CCSER1: variants seen among roughly 807,000 people sequenced by gnomAD.
CCSER1 encodes serine-rich coiled-coil domain-containing protein 1.
In CCSER1, 41 loss-of-function variants were observed where a neutral mutation model predicts 82.0. The observed-to-expected ratio is 0.50, with a 90% CI of 0.39 to 0.65. The LOEUF is 0.65. CCSER1 is among the 30% of genes least tolerant of loss of function. CCSER1 has a pLI of 0.00. For missense variants in CCSER1, 1,119 were observed against 1,064.2 expected (o/e 1.05, Z -0.72); for synonymous variants, 414 against 383.9 (o/e 1.08, Z -0.92).
At chr4:91,218,138 C>A (rs1020036978) in intron 10 of CCSER1, among the ~76,000 whole-genome samples, 1 of 152,338 alleles carries the variant, frequency 6.6e-6, no homozygotes, top group South Asian at 2.1e-4. Context: ...TAAGGCCCAG[C>A]GAGAAATCGA....
chr4:90,673,406 T>G (rs1319808424), intron 6 of CCSER1, among the ~76,000 whole-genome samples: 1 of 151,978 alleles, frequency 6.6e-6, no homozygotes, highest in Non-Finnish European at 1.5e-5. Flanking sequence ...CTGTATAAAC[T>G]TTGTGTACTC....
chr4:91,420,092 A>G lies in CCSER1; in HGVS notation c.2218-178480A>G, dbSNP rs527760813. Among the ~76,000 whole-genome samples, 8 of 152,218 alleles carry G rather than the reference A, an allele frequency of 5.3e-5. No individual in the cohort carries two copies. The East Asian group carries it at 1.4e-3, about 26-fold the overall frequency. On this transcript the variant is annotated intron_variant, in intron 10 of 10. Transcript: ENST00000509176. ...TTAAATGAAAGATCTGAAACTCTAA[A>G]AGTCCTAGAAGAAAACATAGGGTAA...
At chr4:90,715,076 T>C (rs994281995) in intron 6 of CCSER1, among the ~76,000 whole-genome samples, 2 of 151,974 alleles carry the variant, frequency 1.3e-5, no homozygotes, top group African/African-American at 4.8e-5. Context: ...TTCCTACCTT[T>C]ATATGAAACA....
At chr4:90,817,120 T>C (rs1759127037) in intron 8 of CCSER1, among the ~76,000 whole-genome samples, 1 of 152,290 alleles carries the variant, frequency 6.6e-6, no homozygotes, top group African/African-American at 2.4e-5. Context: ...AAAACATTTC[T>C]TTATTTAAAT....
chr4:91,182,446 A>T (rs1184239951), intron 10 of CCSER1, among the ~76,000 whole-genome samples: 2 of 152,156 alleles, frequency 1.3e-5, no homozygotes, highest in Non-Finnish European at 2.9e-5. Context: ...AGGCTCAAAA[A>T]ATTTAAAGTT....
intron 8 of CCSER1, among the ~76,000 whole-genome samples, chr4:90,859,682 A>C (rs2149978017): frequency 6.6e-6 from 1 of 151,900 alleles, no homozygotes; most frequent in East Asian, 1.9e-4. Flanking sequence ...TTGTGGTGCA[A>C]GTATTACTTA....
intron 10 of CCSER1, among the ~76,000 whole-genome samples, chr4:91,095,912 C>A (rs1373007468): frequency 6.6e-6 from 1 of 152,148 alleles, no homozygotes; most frequent in Non-Finnish European, 1.5e-5. Flanking sequence ...GGTCCTCTAG[C>A]CATTTAGTTG....
chr4:91,320,930 G>A (rs548967112), intron 10 of CCSER1, among the ~76,000 whole-genome samples: 1 of 152,026 alleles, frequency 6.6e-6, no homozygotes, highest in South Asian at 2.1e-4. Flanking sequence ...GAATTGTTTA[G>A]TCATGATTTT....
At chr4:91,577,841 AC>A (rs1488061178) in intron 10 of CCSER1, among the ~76,000 whole-genome samples, 1 of 152,064 alleles carries the variant, frequency 6.6e-6, no homozygotes, top group Non-Finnish European at 1.5e-5. Context: ...TTATGTGCAT[AC>A]ATTTTTGCTT....
At chr4:90,400,156 C>A (rs764867455) in intron 4 of CCSER1, 27 bp downstream of exon 4, 20 of 1,255,092 alleles carry the variant, frequency 1.6e-5, no homozygotes, top group Non-Finnish European at 2.3e-5. Flanking sequence ...TGAATAATAT[C>A]ATACAACTCC....
chr4:90,442,871 G>T (rs1484538203), intron 4 of CCSER1, among the ~76,000 whole-genome samples: 1 of 152,106 alleles, frequency 6.6e-6, no homozygotes, highest in Non-Finnish European at 1.5e-5. Context: ...GCCGGTCCTT[G>T]GTCTAGTTAA....
At chr4:91,187,098 T>G (rs906177349) in intron 10 of CCSER1, among the ~76,000 whole-genome samples, 1 of 152,234 alleles carries the variant, frequency 6.6e-6, no homozygotes, top group Non-Finnish European at 1.5e-5. Context: ...CTCTGACCCC[T>G]TGTGCTTCCC....
chr4:90,736,218 T>A (rs1745625235), intron 7 of CCSER1, among the ~76,000 whole-genome samples: 1 of 152,154 alleles, frequency 6.6e-6, no homozygotes, highest in African/African-American at 2.4e-5. Flanking sequence ...ATCTGTTAGG[T>A]CCATTTGGCC....
intron 9 of CCSER1, among the ~76,000 whole-genome samples, chr4:91,020,489 C>T (rs1581353656): frequency 6.6e-6 from 1 of 152,092 alleles, no homozygotes; most frequent in East Asian, 1.9e-4. Flanking sequence ...AGTGAAACCC[C>T]GTCTCTACTA....
chr4:91,512,005 A>G (rs758570045), intron 10 of CCSER1, among the ~76,000 whole-genome samples: 25 of 152,118 alleles, frequency 1.6e-4, no homozygotes, highest in Non-Finnish European at 2.6e-4. Context: ...TTTTGGCAGT[A>G]TTTTGTAGTT....
At chr4:91,371,957 T>C (rs1459597663) in intron 10 of CCSER1, among the ~76,000 whole-genome samples, 1 of 152,202 alleles carries the variant, frequency 6.6e-6, no homozygotes, top group Non-Finnish European at 1.5e-5. Context: ...TTCAGAATTC[T>C]AGAATGTAAG....
At chr4:91,367,041 C>T (rs895901171) in intron 10 of CCSER1, among the ~76,000 whole-genome samples, 2 of 149,956 alleles carry the variant, frequency 1.3e-5, no homozygotes, top group South Asian at 4.2e-4. Context: ...TGCCTATAAT[C>T]CTAGCATTTT....
At chr4:90,459,773 A>C (rs986353788) in intron 4 of CCSER1, among the ~76,000 whole-genome samples, 1 of 152,172 alleles carries the variant, frequency 6.6e-6, no homozygotes, top group Non-Finnish European at 1.5e-5. Context: ...GTTTTACTTT[A>C]CAATTAGTAG....
intron 10 of CCSER1, among the ~76,000 whole-genome samples, chr4:91,549,438 G>T (rs1190285322): frequency 6.8e-6 from 1 of 146,454 alleles, no homozygotes; most frequent in East Asian, 2.0e-4. Flanking sequence ...TTGAAAGGTG[G>T]ATATGATGTG....
Sources: allele counts gnomAD v4.1 joint callset (sites outside exome capture counted in the v4.1 genomes callset), GRCh38; gene constraint gnomAD v4.1.1; transcripts MANE v1.5; gene names NCBI Gene and HGNC (gene_info 2026-07-23, HGNC 2026-07-21).